RAB27B: variants seen among roughly 807,000 people sequenced by gnomAD.
RAB27B encodes RAB27B, member RAS oncogene family.
A neutral mutation model predicts 24.6 loss-of-function variants in RAB27B; 15 were observed. That is an observed-to-expected ratio of 0.61 (90% CI 0.41 to 0.94). RAB27B has a LOEUF of 0.94. Ranked by LOEUF, RAB27B falls within the 40% of genes least tolerant of loss-of-function variation. The pLI is 0.00. For synonymous variants in RAB27B, 105 were observed against 92.5 expected, an observed-to-expected ratio of 1.14 and a Z score of -0.78; for missense variants, 261 against 266.8, an observed-to-expected ratio of 0.98 and a Z score of 0.15.
chr18:54,782,050 T>A (rs1735709746), intron 2 of RAB27B, among the ~76,000 whole-genome samples: 1 of 152,140 alleles, frequency 6.6e-6, no homozygotes. Context: ...GTATAAAGAG[T>A]AAGGTTTTAG....
Position 54,780,212 on chromosome 18 carries a change from C to T in RAB27B, c.-20+62071C>T, listed in dbSNP as rs114309971. On this transcript the variant is annotated intron_variant, in intron 2 of 4. Transcript: ENST00000586570. ...CCTCTCCTGACTGCTTCCCCCTCAC[C>T]GTGTCTCCCCTCTCCAGACAACCTC... Among the ~76,000 whole-genome samples, 633 of 134,164 alleles carry T rather than the reference C, an allele frequency of 4.7e-3. 24 individuals are homozygous for T. The highest frequency in any genetic ancestry group is 5.2e-3 in the Admixed American group (69 of 13,346). The allele number at this position is 134,164 out of a possible 152,430, so 88.0% of individuals were successfully genotyped here. A position where few individuals can be genotyped will look rare whatever the true frequency, so the allele number is the denominator to read the frequency against.
In RAB27B at chr18:54,726,774, A is replaced by T. The variant is rs1016424011; in HGVS notation, c.-20+8633A>T. On this transcript the variant is annotated intron_variant, in intron 2 of 4. Coordinates refer to the RAB27B transcript ENST00000586570. ...GTGTCATTAATTTTACAGTAATTTC[A>T]TTTATTCTGTAAGGGCAACTCTACC... 4.0e-5 allele frequency among the ~76,000 whole-genome samples: 6 copies of T among 151,544 alleles called. No individual in the cohort carries two copies. In the East Asian group the frequency reaches 1.2e-3, roughly 29 times the overall value.
chr18:54,837,350 G>A (rs1910936268), intron 1 of RAB27B, among the ~76,000 whole-genome samples: 1 of 152,038 alleles, frequency 6.6e-6, no homozygotes, highest in Admixed American at 6.6e-5. Flanking sequence ...TTGGGGGAAA[G>A]GAGAAATTAT....
chr18:54,799,205 G>A (rs1158129737), intron 2 of RAB27B, among the ~76,000 whole-genome samples: 1 of 152,098 alleles, frequency 6.6e-6, no homozygotes, highest in Non-Finnish European at 1.5e-5. Flanking sequence ...AGGATCATGA[G>A]GGAAAATATA....
intron 2 of RAB27B, among the ~76,000 whole-genome samples, chr18:54,774,797 C>G (rs1006591071): frequency 1.3e-5 from 2 of 152,134 alleles, no homozygotes; most frequent in Non-Finnish European, 1.5e-5. Flanking sequence ...ATCCCATTAT[C>G]CTGCTTTGTT....
In RAB27B at chr18:54,888,073, G is replaced by T; in HGVS notation, c.422G>T (p.Arg141Met). 1 of 1,613,182 alleles carries T rather than the reference G, an allele frequency of 6.2e-7. No homozygotes were observed. The highest frequency in any genetic ancestry group is 8.5e-7 in the Non-Finnish European group (1 of 1,179,402). The change falls in exon 5 of 6, where the codon AGG (arginine) becomes ATG (methionine). Residue 141 changes from arginine (R) to methionine (M), a missense_variant. By Grantham distance (91) the Arg-to-Met change is moderately conservative. Coordinates refer to ENST00000262094, the MANE Select transcript of RAB27B (RefSeq NM_004163.4). ...AACAAGGCAGACCTACCAGATCAGA[G>T]GGAAGTCAATGAACGGCAAGCTCGG... The part of the protein sequence containing the change: ...IGNKADLPDQ[R>M]EVNERQAREL...
intron 1 of RAB27B, among the ~76,000 whole-genome samples, chr18:54,863,575 A>G: frequency 6.6e-6 from 1 of 152,190 alleles, no homozygotes; most frequent in East Asian, 1.9e-4. Context: ...GTGTTTTTTT[A>G]GAATATGCAC....
At chr18:54,860,565 C>T (rs1911972955) in intron 1 of RAB27B, among the ~76,000 whole-genome samples, 1 of 152,144 alleles carries the variant, frequency 6.6e-6, no homozygotes, top group South Asian at 2.1e-4. Context: ...ATGAGTTTTT[C>T]CTCTCTCCTC....
chr18:54,721,514 AT>A (rs1454497499), intron 2 of RAB27B, among the ~76,000 whole-genome samples: 10 of 152,178 alleles, frequency 6.6e-5, no homozygotes, highest in African/African-American at 2.2e-4. Context: ...GGACACAGCA[AT>A]TAATGTCTTT....
chr18:54,867,194 T>C (rs1912265312), intron 1 of RAB27B, among the ~76,000 whole-genome samples: 1 of 152,148 alleles, frequency 6.6e-6, no homozygotes, highest in Non-Finnish European at 1.5e-5. Context: ...ATAAGTGTTT[T>C]ATTAAAATAA....
Position 54,863,864 on chromosome 18 carries a change from G to A in RAB27B, c.-19-13703G>A, listed in dbSNP as rs551038015. On this transcript the variant is annotated intron_variant, in intron 1 of 5. Coordinates refer to ENST00000262094, the MANE Select transcript of RAB27B (RefSeq NM_004163.4). Reference sequence around the variant, plus strand: ...TAAGCACTTCATTCCTTTCTGTGAAGAATAACATTGAATTGTACATACATG... The same window carrying A: ...TAAGCACTTCATTCCTTTCTGTGAAAAATAACATTGAATTGTACATACATG... Among the ~76,000 whole-genome samples the A allele has an allele frequency of 2.0e-5, 3 of 152,264 alleles. No homozygotes were observed. In the East Asian group the frequency reaches 5.8e-4, roughly 29 times the overall value.
At chr18:54,741,478 C>G (rs1910068362) in intron 2 of RAB27B, among the ~76,000 whole-genome samples, 1 of 151,994 alleles carries the variant, frequency 6.6e-6, no homozygotes, top group Non-Finnish European at 1.5e-5. Context: ...GCTGCTGAAC[C>G]AAGAACTCTA....
At chr18:54,736,390 A>G (rs983888047) in intron 2 of RAB27B, among the ~76,000 whole-genome samples, 6 of 152,132 alleles carry the variant, frequency 3.9e-5, no homozygotes, top group African/African-American at 1.4e-4. Flanking sequence ...ATAAAGAACT[A>G]CTTTACCATG....
intron 2 of RAB27B, among the ~76,000 whole-genome samples, chr18:54,807,788 G>A (rs1019054021): frequency 1.3e-5 from 2 of 152,130 alleles, no homozygotes; most frequent in Non-Finnish European, 2.9e-5. Context: ...GGATACTTCT[G>A]TGCTGGCAGG....
At chr18:54,807,916 T>A (rs1369308723) in intron 2 of RAB27B, among the ~76,000 whole-genome samples, 2 of 152,226 alleles carry the variant, frequency 1.3e-5, no homozygotes, top group African/African-American at 2.4e-5. Context: ...CATCTATCTC[T>A]GAACGTAGGA....
intron 2 of RAB27B, among the ~76,000 whole-genome samples, chr18:54,789,533 A>C (rs1598905739): frequency 1.3e-5 from 2 of 152,262 alleles, no homozygotes; most frequent in East Asian, 1.9e-4. Context: ...GTTCATTTGA[A>C]TATATTATTA....
intron 1 of RAB27B, among the ~76,000 whole-genome samples, chr18:54,830,553 CA>C (rs1409868152): frequency 6.6e-6 from 1 of 152,104 alleles, no homozygotes; most frequent in African/African-American, 2.4e-5. Context: ...CAGGACAAAT[CA>C]GGTGTTTCCC....
chr18:54,849,647 G>C (rs1192241536), intron 1 of RAB27B, among the ~76,000 whole-genome samples: 4 of 152,204 alleles, frequency 2.6e-5, no homozygotes. Flanking sequence ...CTTGAACCCA[G>C]GAGGTGGAGG....
chr18:54,867,164 A>G lies in RAB27B; in HGVS notation c.-19-10403A>G, dbSNP rs746486168. Among the ~76,000 whole-genome samples the G allele has an allele frequency of 4.4e-4, 67 of 152,192 alleles. 1 individual carries two copies. Among genetic ancestry groups the G allele is most frequent in the Non-Finnish European group, 2.4e-4 (16 of 68,032 alleles). On this transcript the variant is annotated intron_variant, in intron 1 of 5. Transcript: ENST00000262094. ...CTTATTTTAACCAAAATAACAACCA[A>G]AAATGAGTTTTTGGTTAAAATAAGT...
Sources: gnomAD v4.1 joint callset for allele counts (sites outside exome capture counted in the v4.1 genomes callset) on GRCh38, gnomAD v4.1.1 for gene constraint, MANE v1.5 for transcripts, NCBI Gene and HGNC (gene_info 2026-07-23, HGNC 2026-07-21) for gene names.